The following RBFOX1 variants were observed in gnomAD, a reference collection of about 807,000 sequenced individuals.
The protein encoded by RBFOX1 is RNA binding protein fox-1 homolog 1.
RBFOX1 carries 8 observed loss-of-function variants against 57.7 expected under a neutral mutation model. The observed-to-expected ratio is 0.14, with a 90% CI of 0.08 to 0.25. The LOEUF is 0.25. Ranked by LOEUF, RBFOX1 falls within the 10% of genes least tolerant of loss-of-function variation. The pLI is 1.00. For synonymous variants in RBFOX1, 326 were observed against 222.4 expected, an observed-to-expected ratio of 1.47 and a Z score of -4.15; for missense variants, 611 against 548.5, an observed-to-expected ratio of 1.11 and a Z score of -1.14.
chr16:7,673,984 T>C (rs1272997800), intron 13 of RBFOX1, among the ~76,000 whole-genome samples: 2 of 152,182 alleles, frequency 1.3e-5, no homozygotes, highest in Non-Finnish European at 2.9e-5. Context: ...TTGAAGAAGT[T>C]CTGGATATGC....
At chr16:7,108,521 C>A (rs150313675) in intron 4 of RBFOX1, among the ~76,000 whole-genome samples, 1 of 152,142 alleles carries the variant, frequency 6.6e-6, no homozygotes, top group African/African-American at 2.4e-5. Context: ...TTTCTAGGTA[C>A]TGAGTATATG....
At chr16:7,206,609 C>T (rs1404327006) in intron 4 of RBFOX1, among the ~76,000 whole-genome samples, 1 of 152,044 alleles carries the variant, frequency 6.6e-6, no homozygotes, top group Admixed American at 6.6e-5. Context: ...TCATATCGTA[C>T]TCAAGTTGAA....
At chr16:6,858,314 G>C (rs571345988) in intron 3 of RBFOX1, among the ~76,000 whole-genome samples, 1 of 152,154 alleles carries the variant, frequency 6.6e-6, no homozygotes, top group Admixed American at 6.5e-5. Flanking sequence ...ACTAGATTAG[G>C]ATATCTAGCT....
intron 2 of RBFOX1, among the ~76,000 whole-genome samples, chr16:6,615,101 C>T (rs1192600092): frequency 6.6e-6 from 1 of 152,144 alleles, no homozygotes; most frequent in Non-Finnish European, 1.5e-5. Flanking sequence ...ACAGTTGCAC[C>T]TTTGCTTAAG....
chr16:7,150,260 C>G (rs1309885623), intron 4 of RBFOX1, among the ~76,000 whole-genome samples: 2 of 152,212 alleles, frequency 1.3e-5, no homozygotes, highest in East Asian at 3.8e-4. Flanking sequence ...AGAGACGCCT[C>G]CACCTATCTG....
intron 4 of RBFOX1, among the ~76,000 whole-genome samples, chr16:7,267,759 G>C (rs1410464929): frequency 6.6e-6 from 1 of 152,082 alleles, no homozygotes; most frequent in Non-Finnish European, 1.5e-5. Context: ...GGGAGGCTGA[G>C]GTGGGAGAAT....
intron 3 of RBFOX1, among the ~76,000 whole-genome samples, chr16:6,890,401 C>T (rs1040384483): frequency 5.9e-5 from 9 of 152,160 alleles, no homozygotes; most frequent in Non-Finnish European, 1.2e-4. Flanking sequence ...CACCTGTAGT[C>T]CCAGCCACTT....
Position 5,975,346 on chromosome 16 carries a change from A to G in RBFOX1, c.351+108011A>G, listed in dbSNP as rs114123382. Among the ~76,000 whole-genome samples the G allele has an allele frequency of 6.3e-3, 967 of 152,324 alleles. 9 individuals are homozygous for G. Among genetic ancestry groups the G allele is most frequent in the African/African-American group, 0.022 (921 of 41,574 alleles). ...CTGCAGCCTTCGTCCATATCATTAG[A>G]GCAATAGCTGCTTCTGATAATGCAT... On this transcript the variant is annotated intron_variant, in intron 4 of 19. Coordinates refer to the RBFOX1 transcript ENST00000641259.
At chr16:6,126,680 T>G (rs4786086) in intron 1 of RBFOX1, among the ~76,000 whole-genome samples, 5 of 151,950 alleles carry the variant, frequency 3.3e-5, no homozygotes. Context: ...CTCCCCTGGT[T>G]TTCACTAGAG....
chr16:5,845,393 C>T (rs1286324192), intron 3 of RBFOX1, among the ~76,000 whole-genome samples: 2 of 152,188 alleles, frequency 1.3e-5, no homozygotes. Context: ...AGGAGGTCCA[C>T]ATCCAGCCCA....
At chr16:6,591,439 G>C (rs920839156) in intron 2 of RBFOX1, among the ~76,000 whole-genome samples, 2 of 152,118 alleles carry the variant, frequency 1.3e-5, no homozygotes, top group African/African-American at 4.8e-5. Flanking sequence ...GGGTGTCGTA[G>C]TGAGACTCTG....
At chr16:6,981,927 T>A (rs1029989872) in intron 3 of RBFOX1, among the ~76,000 whole-genome samples, 31 of 152,204 alleles carry the variant, frequency 2.0e-4, no homozygotes, top group Non-Finnish European at 4.4e-5. Context: ...TACGCATGCA[T>A]GGGTCTTTGT....
chr16:5,295,404 C>T (rs558059740), intron 1 of RBFOX1, among the ~76,000 whole-genome samples: 2 of 152,350 alleles, frequency 1.3e-5, no homozygotes, highest in Admixed American at 1.3e-4. Flanking sequence ...ACAGTTATCA[C>T]TGCACGGTTT....
At chr16:7,531,956 T>A (rs11077196) in intron 5 of RBFOX1, among the ~76,000 whole-genome samples, 143,788 of 152,158 alleles carry the variant, frequency 0.94, 68,243 homozygotes, top group Non-Finnish European at 0.99. Flanking sequence ...GAGGCCTTCA[T>A]ACCATTTGGC....
At chr16:7,680,699 A>C (rs1317519779) in intron 14 of RBFOX1, among the ~76,000 whole-genome samples, 1 of 152,182 alleles carries the variant, frequency 6.6e-6, no homozygotes, top group African/African-American at 2.4e-5. Context: ...ATTTTGTTTT[A>C]ATGTATACCT....
chr16:7,247,267 C>T (rs999914017), intron 4 of RBFOX1, among the ~76,000 whole-genome samples: 5 of 152,114 alleles, frequency 3.3e-5, no homozygotes, highest in Non-Finnish European at 5.9e-5. Context: ...AGCCTTTAAC[C>T]GCATCACACT....
chr16:6,404,676 G>T (rs1596679222), intron 2 of RBFOX1, among the ~76,000 whole-genome samples: 1 of 152,142 alleles, frequency 6.6e-6, no homozygotes, highest in African/African-American at 2.4e-5. Context: ...AACAGGGAGA[G>T]TACCAGGCAA....
intron 2 of RBFOX1, among the ~76,000 whole-genome samples, chr16:6,443,604 G>T (rs923148178): frequency 1.3e-5 from 2 of 152,186 alleles, no homozygotes; most frequent in African/African-American, 4.8e-5. Context: ...GTCCTCACAA[G>T]CTCATTGATG....
intron 3 of RBFOX1, among the ~76,000 whole-genome samples, chr16:6,880,393 G>A (rs1355469318): frequency 6.6e-6 from 1 of 152,092 alleles, no homozygotes; most frequent in Non-Finnish European, 1.5e-5. Flanking sequence ...GCAACCCACC[G>A]CCCTGTTGCA....
Sources: gnomAD v4.1 joint callset for allele counts (sites outside exome capture counted in the v4.1 genomes callset) on GRCh38, gnomAD v4.1.1 for gene constraint, MANE v1.5 for transcripts, NCBI Gene and HGNC (gene_info 2026-07-23, HGNC 2026-07-21) for gene names.